LIMCH1: variants seen among roughly 807,000 people sequenced by gnomAD.
LIMCH1 encodes the protein LIM and calponin homology domains 1.
In LIMCH1, 113 loss-of-function variants were observed where a neutral mutation model predicts 176.5. That is an observed-to-expected ratio of 0.64 (90% CI 0.55 to 0.75). LIMCH1 has a LOEUF of 0.75. Among genes scored for constraint, LIMCH1 ranks in the 30% least tolerant of loss-of-function variants. The probability of loss-of-function intolerance (pLI) is 0.00; values close to 1 mark genes in which losing one functional copy is unlikely to be tolerated. For synonymous variants in LIMCH1, 619 were observed against 645.9 expected (o/e 0.96, Z 0.63); for missense variants, 1,674 against 1,814.9 (o/e 0.92, Z 1.41).
chr4:41,509,304 G>C (rs2074551131), intron 2 of LIMCH1, among the ~76,000 whole-genome samples: 1 of 152,172 alleles, frequency 6.6e-6, no homozygotes. Context: ...CCCCTCTTCT[G>C]TAGATGATTA....
intron 21 of LIMCH1, chr4:41,670,661 A>G (rs1008755074): frequency 7.7e-7 from 1 of 1,297,382 alleles, no homozygotes. Context: ...GGTTCTATTC[A>G]GTTCTCACCC....
intron 2 of LIMCH1, among the ~76,000 whole-genome samples, chr4:41,517,747 T>C (rs1202019722): frequency 6.6e-6 from 1 of 152,094 alleles, no homozygotes; most frequent in East Asian, 1.9e-4. Flanking sequence ...AAATGACATC[T>C]GTAACAGATT....
chr4:41,542,743 A>G (rs1478107028), intron 1 of LIMCH1, among the ~76,000 whole-genome samples: 1 of 152,192 alleles, frequency 6.6e-6, no homozygotes, highest in African/African-American at 2.4e-5. Context: ...CCCTACTGCC[A>G]GGGAACCTGA....
intron 1 of LIMCH1, among the ~76,000 whole-genome samples, chr4:41,408,866 A>T (rs2154122364): frequency 6.6e-6 from 1 of 152,340 alleles, no homozygotes; most frequent in South Asian, 2.1e-4. Context: ...ATTGCCATAG[A>T]ATCTTCTAGC....
chr4:41,417,400 G>A (rs1188547450), intron 1 of LIMCH1, among the ~76,000 whole-genome samples: 5 of 152,216 alleles, frequency 3.3e-5, no homozygotes, highest in South Asian at 4.2e-4. Context: ...GAAGAGGTGC[G>A]CTGTTTTGGG....
intron 13 of LIMCH1, 124 bp from the exon 14 acceptor site, chr4:41,638,807 CT>C: frequency 3.8e-6 from 3 of 781,460 alleles, no homozygotes; most frequent in South Asian, 2.9e-5. Flanking sequence ...TGCCATTTCT[CT>C]TTCAGTATCT....
chr4:41,383,555 A>G (rs2154105051), intron 1 of LIMCH1, among the ~76,000 whole-genome samples: 1 of 152,292 alleles, frequency 6.6e-6, no homozygotes, highest in South Asian at 2.1e-4. Context: ...GGTCTTGTAA[A>G]CTATGATCAG....
At chr4:41,598,755 G>C (rs565471494) in intron 1 of LIMCH1, among the ~76,000 whole-genome samples, 165 bp from the exon 2 acceptor site, 2 of 152,254 alleles carry the variant, frequency 1.3e-5, no homozygotes, top group South Asian at 4.2e-4. Flanking sequence ...TGAAGTGTCT[G>C]TTTATCTGGC....
intron 1 of LIMCH1, among the ~76,000 whole-genome samples, chr4:41,448,548 A>T (rs1049778101): frequency 4.0e-5 from 6 of 151,616 alleles, no homozygotes; most frequent in African/African-American, 9.7e-5. Context: ...TTTTTTTTTT[A>T]AAGATTTTTT....
chr4:41,628,660 TA>T (rs2093134039), intron 8 of LIMCH1, among the ~76,000 whole-genome samples: 1 of 152,222 alleles, frequency 6.6e-6, no homozygotes, highest in African/African-American at 2.4e-5. Flanking sequence ...GAAGCATATT[TA>T]GTTAGAAATA....
At chr4:41,469,761 A>G (rs971919413) in intron 1 of LIMCH1, among the ~76,000 whole-genome samples, 3 of 152,054 alleles carry the variant, frequency 2.0e-5, no homozygotes, top group Middle Eastern at 3.4e-3. Flanking sequence ...GGCTCACTGC[A>G]ACCTCTGCCT....
intron 13 of LIMCH1, among the ~76,000 whole-genome samples, chr4:41,636,821 A>G (rs1035757720): frequency 6.6e-6 from 1 of 152,242 alleles, no homozygotes. Flanking sequence ...GCTAAAGAAG[A>G]CAAACTCAAG....
chr4:41,612,149 A>G (rs1481630130), intron 4 of LIMCH1, among the ~76,000 whole-genome samples: 5 of 151,990 alleles, frequency 3.3e-5, no homozygotes, highest in Admixed American at 1.3e-4. Context: ...TCTTGATGCA[A>G]AGCTGTGTGT....
chr4:41,615,737 T>C (rs1036404486), intron 5 of LIMCH1, among the ~76,000 whole-genome samples: 3 of 152,228 alleles, frequency 2.0e-5, no homozygotes, highest in Non-Finnish European at 4.4e-5. Context: ...TTGAAAAAAC[T>C]TGTTGTAAGT....
chr4:41,473,493 C>A (rs375096123), intron 1 of LIMCH1, among the ~76,000 whole-genome samples: 1 of 152,342 alleles, frequency 6.6e-6, no homozygotes, highest in Admixed American at 6.5e-5. Flanking sequence ...CTGATCACCT[C>A]CCTTGCAGTG....
At chr4:41,523,268 A>G (rs540607760) in intron 2 of LIMCH1, among the ~76,000 whole-genome samples, 1 of 152,352 alleles carries the variant, frequency 6.6e-6, no homozygotes, top group African/African-American at 2.4e-5. Flanking sequence ...CTTTTTCCAT[A>G]AAGCATCAAA....
chr4:41,651,002 A>ATT (rs1354816226), intron 18 of LIMCH1, among the ~76,000 whole-genome samples: 6 of 150,894 alleles, frequency 4.0e-5, no homozygotes, highest in Non-Finnish European at 8.8e-5. Context: ...TCCCTATTTT[A>ATT]TTTTATTTTA....
chr4:41,375,640 C>T lies in LIMCH1; in HGVS notation c.96+14704C>T, dbSNP rs79555687. Among the ~76,000 whole-genome samples the T allele has an allele frequency of 8.5e-3, 1,297 of 152,260 alleles. 46 individuals carry two copies. The East Asian group carries it at 0.11, about 12-fold the overall frequency. On this transcript the variant is annotated intron_variant, in intron 1 of 26. Transcript: ENST00000313860. ...GCAAAACCATGCAGTTGCTGTTCAC[C>T]GGACACTCCGGGTCCAGGGGGTGTG...
At chr4:41,552,455 A>T (rs1561723754) in intron 1 of LIMCH1, among the ~76,000 whole-genome samples, 1 of 151,764 alleles carries the variant, frequency 6.6e-6, no homozygotes, top group African/African-American at 2.4e-5. Flanking sequence ...GGCTCGAATC[A>T]TGAGCTCAGG....
Sources: allele counts gnomAD v4.1 joint callset (sites outside exome capture counted in the v4.1 genomes callset), GRCh38; gene constraint gnomAD v4.1.1; transcripts MANE v1.5; gene names NCBI Gene and HGNC (gene_info 2026-07-23, HGNC 2026-07-21).